The following ERAP1 variants were observed in gnomAD, a reference collection of about 807,000 sequenced individuals.
ERAP1 encodes the protein endoplasmic reticulum aminopeptidase 1.
In ERAP1, 86 loss-of-function variants were observed where a neutral mutation model predicts 103.7. The observed-to-expected ratio is 0.83, with a 90% CI of 0.70 to 0.99. The LOEUF is 0.99. Ranked by LOEUF, ERAP1 falls within the 50% of genes least tolerant of loss-of-function variation. ERAP1 has a pLI of 0.00. For synonymous variants in ERAP1, 398 were observed against 402.4 expected (o/e 0.99, Z 0.13); for missense variants, 1,009 against 1,128.4 (o/e 0.89, Z 1.52).
At chr5:96,897,211 C>T in the ERAP1 span, among the ~76,000 whole-genome samples, 6 of 152,142 alleles carry the variant, frequency 3.9e-5, no homozygotes, top group Non-Finnish European at 8.8e-5. Flanking sequence ...CAACTGTATT[C>T]CCCAATGTGT....
At position 96,774,796 on chromosome 5, in the gene ERAP1, C is replaced by T. The variant is rs1773764579; in HGVS notation, c.*1600G>A. 2 of 984,132 alleles carry T rather than the reference C, an allele frequency of 2.0e-6. No homozygotes were observed. Among genetic ancestry groups the T allele is most frequent in the African/African-American group, 1.8e-5 (1 of 57,126 alleles). The allele number at this position is 984,132 out of a possible 1,614,324, so 61.0% of individuals were successfully genotyped here. On this transcript the variant is annotated 3_prime_UTR_variant, in exon 19 of 19. Coordinates refer to ENST00000443439, the MANE Select transcript of ERAP1 (RefSeq NM_001040458.3). Reference sequence around the variant, plus strand: ...ACTACAACAAATAAGTATAAAAATTCCAATTCCACTTTTATACCTATTTAT... The same window carrying T: ...ACTACAACAAATAAGTATAAAAATTTCAATTCCACTTTTATACCTATTTAT...
At chr5:96,852,923 C>A in the ERAP1 span, among the ~76,000 whole-genome samples, 238 of 152,260 alleles carry the variant, frequency 1.6e-3, 1 homozygote, top group African/African-American at 5.5e-3. Flanking sequence ...TATGATTCAT[C>A]CACCATGAAA....
At chr5:96,842,225 T>A in the ERAP1 span, among the ~76,000 whole-genome samples, 14 of 152,348 alleles carry the variant, frequency 9.2e-5, no homozygotes, top group Middle Eastern at 3.4e-3. Flanking sequence ...ATTTTTTCAA[T>A]TGTGAATTGT....
At chr5:96,903,853 C>T in the ERAP1 span, among the ~76,000 whole-genome samples, 1 of 152,184 alleles carries the variant, frequency 6.6e-6, no homozygotes, top group Non-Finnish European at 1.5e-5. Context: ...CTGTGGGCCA[C>T]AGGATAGCTA....
the ERAP1 span, among the ~76,000 whole-genome samples, chr5:96,871,086 C>G: frequency 6.6e-6 from 1 of 152,252 alleles, no homozygotes; most frequent in Non-Finnish European, 1.5e-5. Context: ...CCGTTCGTCT[C>G]TTTCTGCAGC....
the ERAP1 span, chr5:96,902,160 A>G: frequency 1.5e-6 from 1 of 657,654 alleles, no homozygotes; most frequent in African/African-American, 1.8e-5. Context: ...ACTTGTGGGT[A>G]GTATGAAGGA....
downstream of ERAP1, chr5:96,770,709 T>G: frequency 1.3e-6 from 1 of 750,702 alleles, no homozygotes; most frequent in Non-Finnish European, 2.3e-6. Flanking sequence ...AGAATAAAAT[T>G]TCTTAAAGTA....
the ERAP1 span, among the ~76,000 whole-genome samples, chr5:96,895,970 TG>T: frequency 2.0e-5 from 3 of 152,326 alleles, no homozygotes. Context: ...ACTGAATTTG[TG>T]GCTTAATGCC....
the ERAP1 span, among the ~76,000 whole-genome samples, chr5:96,827,152 C>T: frequency 2.0e-5 from 3 of 152,204 alleles, no homozygotes; most frequent in Admixed American, 2.0e-4. Flanking sequence ...TTCCTTCAAG[C>T]AGATCTTTCC....
At chr5:96,836,202 T>G in the ERAP1 span, among the ~76,000 whole-genome samples, 8 of 146,858 alleles carry the variant, frequency 5.4e-5, no homozygotes, top group Non-Finnish European at 1.2e-4. Flanking sequence ...TTTTTCTGTT[T>G]TTTGTTTGTT....
At chr5:96,866,789 GAGA>G in the ERAP1 span, among the ~76,000 whole-genome samples, 6 of 152,132 alleles carry the variant, frequency 3.9e-5, no homozygotes, top group South Asian at 2.1e-4. Flanking sequence ...TGACAAACAG[GAGA>G]AGAAGAAGTC....
chr5:96,876,795 C>T, the ERAP1 span, among the ~76,000 whole-genome samples: 1 of 151,746 alleles, frequency 6.6e-6, no homozygotes, highest in Non-Finnish European at 1.5e-5. Flanking sequence ...CTCTTCAATC[C>T]CAGGATGTTT....
At chr5:96,871,376 T>C in the ERAP1 span, among the ~76,000 whole-genome samples, 100 of 152,346 alleles carry the variant, frequency 6.6e-4, no homozygotes, top group African/African-American at 2.4e-3. Flanking sequence ...AGCAGGAGAA[T>C]AAATCAGAGT....
At chr5:96,806,194 T>C (rs1275042042) in intron 1 of ERAP1, 2 of 152,184 alleles carry the variant, frequency 1.3e-5, no homozygotes, top group Non-Finnish European at 1.5e-5. Flanking sequence ...TTGCTTCCAA[T>C]AGTAAGTGTT....
chr5:96,858,284 G>T, the ERAP1 span, among the ~76,000 whole-genome samples: 1 of 145,908 alleles, frequency 6.9e-6, no homozygotes, highest in South Asian at 2.2e-4. Context: ...GCGCTATCTT[G>T]GCTCACTCCA....
chr5:96,832,199 A>G, the ERAP1 span, among the ~76,000 whole-genome samples: 5 of 152,294 alleles, frequency 3.3e-5, no homozygotes, highest in South Asian at 1.0e-3. Flanking sequence ...GAAGCTCTCT[A>G]TTCACTCTGT....
chr5:96,908,978 TAGAC>T, the ERAP1 span: 1 of 1,614,152 alleles, frequency 6.2e-7, no homozygotes, highest in Non-Finnish European at 8.5e-7. Flanking sequence ...AGACTGACCC[TAGAC>T]AAAGCTCTTG....
the ERAP1 span, among the ~76,000 whole-genome samples, chr5:96,929,053 A>G: frequency 2.0e-5 from 3 of 152,240 alleles, no homozygotes; most frequent in African/African-American, 7.2e-5. Context: ...GTCACAGCAC[A>G]TGCAGACAGC....
the ERAP1 span, among the ~76,000 whole-genome samples, chr5:96,886,299 G>A: frequency 1.5e-4 from 23 of 152,324 alleles, no homozygotes; most frequent in East Asian, 3.7e-3. Context: ...CCATTATCTG[G>A]TATTTTACTT....
Sources: allele counts gnomAD v4.1 joint callset (sites outside exome capture counted in the v4.1 genomes callset), GRCh38; gene constraint gnomAD v4.1.1; transcripts MANE v1.5; gene names NCBI Gene and HGNC (gene_info 2026-07-23, HGNC 2026-07-21).